NEO1: variants seen among roughly 807,000 people sequenced by gnomAD.
The protein encoded by NEO1 is neogenin 1, also known as neogenin.
In NEO1, 63 loss-of-function variants were observed where a neutral mutation model predicts 159.7. That is an observed-to-expected ratio of 0.39 (90% CI 0.32 to 0.49). The LOEUF is 0.49. Among genes scored for constraint, NEO1 ranks in the 20% least tolerant of loss-of-function variants. The pLI is 0.85. For missense variants in NEO1, 1,615 were observed against 1,831.0 expected, an observed-to-expected ratio of 0.88 and a Z score of 2.15; for synonymous variants, 633 against 662.0, an observed-to-expected ratio of 0.96 and a Z score of 0.67.
intron 1 of NEO1, among the ~76,000 whole-genome samples, chr15:73,111,182 C>T (rs1312927017): frequency 2.0e-5 from 3 of 152,078 alleles, no homozygotes; most frequent in Non-Finnish European, 2.9e-5. Flanking sequence ...AGTCTTTTCC[C>T]TTTGTATTTG....
chr15:73,135,636 G>T (rs1464192905), intron 4 of NEO1, among the ~76,000 whole-genome samples: 3 of 152,096 alleles, frequency 2.0e-5, no homozygotes, highest in African/African-American at 7.2e-5. Context: ...TACCCCTTTG[G>T]AAATAACTAG....
chr15:73,052,303 G>GCCCCCGC (rs1246850853), upstream of NEO1, among the ~76,000 whole-genome samples: 10 of 24,932 alleles, frequency 4.0e-4, no homozygotes, highest in Non-Finnish European at 6.2e-4. Flanking sequence ...CCCGCCCCCC[G>GCCCCCGC]CCCCCGCCCC....
At chr15:73,151,684 A>G (rs963756039) in intron 5 of NEO1, among the ~76,000 whole-genome samples, 6 of 152,220 alleles carry the variant, frequency 3.9e-5, no homozygotes, top group African/African-American at 1.2e-4. Context: ...TATCATGAGA[A>G]CAGCATGGAA....
At chr15:73,075,762 T>C (rs2068740946) in intron 1 of NEO1, among the ~76,000 whole-genome samples, 1 of 152,186 alleles carries the variant, frequency 6.6e-6, no homozygotes. Context: ...TGTAAAATTG[T>C]TTAATCTGTG....
At chr15:73,101,866 T>C (rs1227546197) in intron 1 of NEO1, among the ~76,000 whole-genome samples, 2 of 152,198 alleles carry the variant, frequency 1.3e-5, no homozygotes, top group Non-Finnish European at 2.9e-5. Context: ...GTCTCTCCTC[T>C]ATTGCAAAGA....
At chr15:73,200,142 C>G (rs1042877027) in intron 7 of NEO1, among the ~76,000 whole-genome samples, 2 of 152,172 alleles carry the variant, frequency 1.3e-5, no homozygotes, top group African/African-American at 2.4e-5. Context: ...TGGTAGAATT[C>G]ACCAGTGAAA....
At chr15:73,068,956 CT>C (rs35031912) in intron 1 of NEO1, among the ~76,000 whole-genome samples, 31,932 of 135,736 alleles carry the variant, frequency 0.24, 3,763 homozygotes, top group African/African-American at 0.39. Flanking sequence ...TAGAGTGGGG[CT>C]TTTTTTTTTT....
In NEO1 at chr15:73,258,913, A is replaced by T. The variant is rs757475325; in HGVS notation, c.2203+37A>T. On this transcript the variant is annotated intron_variant, in intron 14 of 28. Transcript: ENST00000261908. Reference sequence around the variant, plus strand: ...AATTGGCAAGACTGGAACACAATAGATACTAGCTGTAGTCAAATGAGTCAA... The same window carrying T: ...AATTGGCAAGACTGGAACACAATAGTTACTAGCTGTAGTCAAATGAGTCAA... 2.0e-6 allele frequency: 3 copies of T among 1,529,434 alleles called. No homozygotes were observed. In the East Asian group the frequency reaches 6.8e-5, roughly 34 times the overall value. The allele number at this position is 1,529,434 out of a possible 1,614,324, so 94.7% of individuals were successfully genotyped here.
At chr15:73,140,868 T>A (rs1167381389) in intron 5 of NEO1, among the ~76,000 whole-genome samples, 5 of 152,196 alleles carry the variant, frequency 3.3e-5, no homozygotes, top group Admixed American at 2.6e-4. Context: ...AATTACATTG[T>A]TATATATAAT....
intron 1 of NEO1, among the ~76,000 whole-genome samples, chr15:73,107,548 A>G (rs2070755343): frequency 6.6e-6 from 1 of 152,228 alleles, no homozygotes; most frequent in African/African-American, 2.4e-5. Flanking sequence ...AAAATAAAAC[A>G]TCATTAAACA....
At chr15:73,111,378 G>T (rs969337288) in intron 1 of NEO1, among the ~76,000 whole-genome samples, 1 of 152,074 alleles carries the variant, frequency 6.6e-6, no homozygotes, top group Non-Finnish European at 1.5e-5. Flanking sequence ...CGATATGTGT[G>T]TATGAATTTA....
chr15:73,109,905 T>G (rs975259051), intron 1 of NEO1, among the ~76,000 whole-genome samples: 1 of 152,142 alleles, frequency 6.6e-6, no homozygotes, highest in Non-Finnish European at 1.5e-5. Context: ...GATCAGTCTT[T>G]GGAGAAATCA....
intron 1 of NEO1, among the ~76,000 whole-genome samples, chr15:73,060,815 T>G (rs1360091019): frequency 6.8e-6 from 1 of 147,960 alleles, no homozygotes; most frequent in Non-Finnish European, 1.5e-5. Context: ...CCCAGCTAAT[T>G]TTTTTGGGTA....
At position 73,052,762 on chromosome 15, in the gene NEO1, G is replaced by T; in HGVS notation, c.87G>T (p.Pro29=). ...TGCTGCTGCTCGGGCGCCGGGCGCC[G>T]GGCGCCGCGGCCGCCAGGAGCGGCT... is the stretch of plus-strand genomic sequence containing the variant. The part of the protein sequence containing the change: ...YCLLLLGRRA[P]GAAAARSGSA... The change falls in exon 1 of 29, where the codon CCG becomes CCT. Residue 29 remains proline, a synonymous_variant. Transcript: ENST00000261908. 7.9e-7 allele frequency: 1 copy of T among 1,262,598 alleles called. No homozygotes were observed. The highest frequency in any genetic ancestry group is 1.0e-6 in the Non-Finnish European group (1 of 997,680). The allele number at this position is 1,262,598 out of a possible 1,614,324, so 78.2% of individuals were successfully genotyped here.
chr15:73,095,104 G>A (rs1401492783), intron 1 of NEO1, among the ~76,000 whole-genome samples: 1 of 151,996 alleles, frequency 6.6e-6, no homozygotes, highest in Non-Finnish European at 1.5e-5. Flanking sequence ...AGCTACTCAG[G>A]AGGCTAAGGC....
At chr15:73,223,541 C>G (rs907601002) in intron 7 of NEO1, among the ~76,000 whole-genome samples, 1 of 152,184 alleles carries the variant, frequency 6.6e-6, no homozygotes, top group Non-Finnish European at 1.5e-5. Context: ...TAATGTCCCT[C>G]TTTGTCTCTT....
At chr15:73,294,331 A>G (rs1334109160) in intron 26 of NEO1, among the ~76,000 whole-genome samples, 1 of 152,214 alleles carries the variant, frequency 6.6e-6, no homozygotes, top group Non-Finnish European at 1.5e-5. Flanking sequence ...CAAGCCTAGT[A>G]ACTTCCCATA....
intron 5 of NEO1, among the ~76,000 whole-genome samples, chr15:73,157,847 C>A (rs2033889309): frequency 1.7e-5 from 1 of 60,412 alleles, no homozygotes; most frequent in South Asian, 5.5e-4. Flanking sequence ...TTAACAATTC[C>A]TACATCAATA....
chr15:73,211,693 G>A (rs1272181241), intron 7 of NEO1, among the ~76,000 whole-genome samples: 1 of 152,146 alleles, frequency 6.6e-6, no homozygotes, highest in East Asian at 1.9e-4. Context: ...CCAGCCTAGC[G>A]ACAGAGCAAG....
Sources: allele counts gnomAD v4.1 joint callset (sites outside exome capture counted in the v4.1 genomes callset), GRCh38; gene constraint gnomAD v4.1.1; transcripts MANE v1.5; gene names NCBI Gene and HGNC (gene_info 2026-07-23, HGNC 2026-07-21).